Variants in ZNF385D observed in about 807,000 individuals in gnomAD.
ZNF385D encodes the protein zinc finger protein 385D.
A neutral mutation model predicts 35.8 loss-of-function variants in ZNF385D; 15 were observed. The observed-to-expected ratio is 0.42, with a 90% CI of 0.28 to 0.64. The LOEUF is 0.64. Ranked by LOEUF, ZNF385D falls within the 30% of genes least tolerant of loss-of-function variation. The probability of loss-of-function intolerance (pLI) is 0.23; values close to 1 mark genes in which losing one functional copy is unlikely to be tolerated. For missense variants in ZNF385D, 474 were observed against 494.6 expected, an observed-to-expected ratio of 0.96 and a Z score of 0.39; for synonymous variants, 212 against 186.8, an observed-to-expected ratio of 1.13 and a Z score of -1.10.
chr3:22,136,058 G>A (rs1007487624), intron 3 of ZNF385D, among the ~76,000 whole-genome samples: 10 of 152,140 alleles, frequency 6.6e-5, no homozygotes, highest in Admixed American at 3.3e-4. Flanking sequence ...TAGCGTTAGT[G>A]AAGGGATCTA....
At chr3:22,111,187 T>G (rs1025886755) in intron 3 of ZNF385D, among the ~76,000 whole-genome samples, 1 of 119,964 alleles carries the variant, frequency 8.3e-6, no homozygotes, top group Admixed American at 8.8e-5. Context: ...GTTTTTTTTG[T>G]ACTCTCAGGA....
At chr3:21,545,433 T>C (rs1013000817) in intron 3 of ZNF385D, among the ~76,000 whole-genome samples, 2 of 152,238 alleles carry the variant, frequency 1.3e-5, no homozygotes, top group Non-Finnish European at 2.9e-5. Flanking sequence ...TGATCTATGT[T>C]CTGTTTTTCA....
rs2335431 is a variant in ZNF385D at position 21,767,774 on chromosome 3, C to T, written c.326-102746G>A. 1.2e-4 allele frequency among the ~76,000 whole-genome samples: 19 copies of T among 152,132 alleles called. No individual in the cohort carries two copies. The South Asian group carries it at 3.7e-3, about 30-fold the overall frequency. ...TATGAATTTATGAAATGGTAGTTGA[C>T]AATATTTAGATAAAAGACAAATATG... On this transcript the variant is annotated intron_variant, in intron 3 of 5. Coordinates refer to the ZNF385D transcript ENST00000494108.
At chr3:22,346,093 T>C (rs1051289451) in intron 2 of ZNF385D, among the ~76,000 whole-genome samples, 2 of 152,180 alleles carry the variant, frequency 1.3e-5, no homozygotes, top group African/African-American at 4.8e-5. Context: ...AAAATGGAAA[T>C]TGAATGTCTG....
intron 2 of ZNF385D, among the ~76,000 whole-genome samples, chr3:22,295,580 A>C (rs925350430): frequency 2.0e-5 from 3 of 152,174 alleles, no homozygotes; most frequent in African/African-American, 7.2e-5. Context: ...TTAATGAAAA[A>C]AGTTTTTAAT....
At chr3:21,736,374 A>G (rs117835637) in intron 1 of ZNF385D, among the ~76,000 whole-genome samples, 2 of 152,328 alleles carry the variant, frequency 1.3e-5, no homozygotes, top group East Asian at 1.9e-4. Context: ...ATTTTTTTAA[A>G]AAGTATGGAA....
In ZNF385D at chr3:22,229,774, G is replaced by A. The variant is rs908625124; in HGVS notation, c.107-60739C>T. 7.2e-5 allele frequency among the ~76,000 whole-genome samples: 11 copies of A among 151,986 alleles called. No individual in the cohort carries two copies. The East Asian group carries it at 1.4e-3, about 19-fold the overall frequency. On this transcript the variant is annotated intron_variant, in intron 2 of 5. Coordinates refer to the ZNF385D transcript ENST00000494108. ...TTTAGATGTCTCCACTGCTGGATAC[G>A]TTCTTTATCAAGGCAGGGTCTCTGA...
chr3:21,829,060 G>A (rs1206038828), intron 3 of ZNF385D, among the ~76,000 whole-genome samples: 1 of 152,116 alleles, frequency 6.6e-6, no homozygotes, highest in Admixed American at 6.6e-5. Context: ...CAAAGCCCCT[G>A]TTGCCAATAA....
At chr3:21,556,066 T>G (rs1004210627) in intron 3 of ZNF385D, among the ~76,000 whole-genome samples, 1 of 130,136 alleles carries the variant, frequency 7.7e-6, no homozygotes, top group African/African-American at 3.1e-5. Context: ...TTTTTTGTTT[T>G]TGTTTTTTTT....
At chr3:21,586,171 A>G (rs900110416) in intron 2 of ZNF385D, among the ~76,000 whole-genome samples, 2 of 152,164 alleles carry the variant, frequency 1.3e-5, no homozygotes, top group Non-Finnish European at 2.9e-5. Flanking sequence ...GTGCCACTGC[A>G]TTCCAGCCTG....
At chr3:22,233,547 T>C (rs1699013659) in intron 2 of ZNF385D, among the ~76,000 whole-genome samples, 1 of 152,138 alleles carries the variant, frequency 6.6e-6, no homozygotes, top group Admixed American at 6.6e-5. Flanking sequence ...TTAAAATATG[T>C]GCGTATTATT....
chr3:21,842,707 A>C (rs1045599783), intron 3 of ZNF385D, among the ~76,000 whole-genome samples: 37 of 152,188 alleles, frequency 2.4e-4, no homozygotes, highest in Non-Finnish European at 3.4e-4. Flanking sequence ...GATGCAGTCA[A>C]TCCATCACCT....
intron 7 of ZNF385D, 61 bp from the exon 8 acceptor site, chr3:21,421,508 C>A: frequency 8.0e-7 from 1 of 1,251,894 alleles, no homozygotes; most frequent in African/African-American, 1.5e-5. Flanking sequence ...ACTTAAAACC[C>A]AAAATGGCAG....
chr3:21,714,944 T>C (rs4858349), intron 1 of ZNF385D, among the ~76,000 whole-genome samples: 104,558 of 151,624 alleles, frequency 0.69, 36,150 homozygotes, highest in East Asian at 0.75. Flanking sequence ...AGTTACCCTC[T>C]GCCCGATGCC....
intron 3 of ZNF385D, among the ~76,000 whole-genome samples, chr3:21,524,912 A>G (rs966876532): frequency 5.3e-5 from 8 of 152,314 alleles, no homozygotes; most frequent in African/African-American, 1.9e-4. Flanking sequence ...AATAGGTTTC[A>G]CCCTGGCATC....
intron 2 of ZNF385D, among the ~76,000 whole-genome samples, chr3:22,304,291 A>T (rs2125416232): frequency 6.6e-6 from 1 of 152,282 alleles, no homozygotes; most frequent in Middle Eastern, 3.4e-3. Context: ...TTATGATTTA[A>T]TAGATATGTT....
intron 3 of ZNF385D, among the ~76,000 whole-genome samples, chr3:21,977,087 G>A (rs12637145): frequency 0.42 from 63,744 of 152,010 alleles, 13,785 homozygotes; most frequent in Non-Finnish European, 0.47. Flanking sequence ...AAAAGAGTAC[G>A]TGTTGCATGA....
At chr3:22,008,372 T>TTTTTTTTTTTGAGGCG (rs1696352106) in intron 3 of ZNF385D, among the ~76,000 whole-genome samples, 1 of 150,560 alleles carries the variant, frequency 6.6e-6, no homozygotes, top group Non-Finnish European at 1.5e-5. Context: ...TTTTTTTTTT[T>TTTTTTTTTTTGAGGCG]GAGGCGGAGT....
At chr3:21,506,791 A>G (rs1366151821) in intron 4 of ZNF385D, among the ~76,000 whole-genome samples, 1 of 152,186 alleles carries the variant, frequency 6.6e-6, no homozygotes, top group Non-Finnish European at 1.5e-5. Context: ...ATACAAGTAA[A>G]TTCACCAACC....
Sources: allele counts gnomAD v4.1 joint callset (sites outside exome capture counted in the v4.1 genomes callset), GRCh38; gene constraint gnomAD v4.1.1; transcripts MANE v1.5; gene names NCBI Gene and HGNC (gene_info 2026-07-23, HGNC 2026-07-21).